MTHFD2L: variants seen among roughly 807,000 people sequenced by gnomAD.
MTHFD2L encodes the protein bifunctional methylenetetrahydrofolate dehydrogenase/cyclohydrolase 2, mitochondrial.
In MTHFD2L, 29 loss-of-function variants were observed where a neutral mutation model predicts 34.9. The observed-to-expected ratio is 0.83, with a 90% CI of 0.62 to 1.13. MTHFD2L has a LOEUF of 1.13. Among genes scored for constraint, MTHFD2L ranks in the 50% most tolerant of loss-of-function variants. The pLI is 0.00. For missense variants in MTHFD2L, 481 were observed against 446.5 expected (o/e 1.08, Z -0.70); for synonymous variants, 167 against 155.7 (o/e 1.07, Z -0.54).
chr4:74,130,907 A>G (rs1560403524), intron 1 of MTHFD2L, among the ~76,000 whole-genome samples: 2 of 152,206 alleles, frequency 1.3e-5, no homozygotes, highest in Non-Finnish European at 2.9e-5. Flanking sequence ...ATACAAAATC[A>G]ATGTGCGAAA....
upstream of MTHFD2L, among the ~76,000 whole-genome samples, chr4:74,155,066 A>T (rs778164783): frequency 6.6e-6 from 1 of 152,140 alleles, no homozygotes; most frequent in African/African-American, 2.4e-5. Context: ...TCTGGTATAC[A>T]TGTATAGTCA....
Position 74,273,938 on chromosome 4 carries a change from C to T in MTHFD2L, c.806-7487C>T, listed in dbSNP as rs139342227. 2.3e-3 allele frequency among the ~76,000 whole-genome samples: 355 copies of T among 152,260 alleles called. 8 individuals are homozygous for T. In the South Asian group the frequency reaches 0.039, roughly 17 times the overall value. The stretch of plus-strand genomic sequence containing the variant: ...CTCATAAGATTTTGGTAAGTGACCT[C>T]AGGCAAAATTTTTCCAGAGTTTTCC... On this transcript the variant is annotated intron_variant, in intron 6 of 7. Transcript: ENST00000325278.
chr4:74,291,331 CT>C (rs1748937519), intron 7 of MTHFD2L, among the ~76,000 whole-genome samples: 1 of 151,872 alleles, frequency 6.6e-6, no homozygotes, highest in South Asian at 2.1e-4. Context: ...TTTTATATCT[CT>C]GTCCCACACC....
chr4:74,142,192 C>G (rs1262824002), intron 1 of MTHFD2L, among the ~76,000 whole-genome samples: 1 of 152,148 alleles, frequency 6.6e-6, no homozygotes, highest in Non-Finnish European at 1.5e-5. Flanking sequence ...TCCTTGAAGT[C>G]TTATGTTTTA....
At chr4:74,239,750 T>C (rs1222185043) in intron 6 of MTHFD2L, among the ~76,000 whole-genome samples, 1 of 152,184 alleles carries the variant, frequency 6.6e-6, no homozygotes, top group African/African-American at 2.4e-5. Context: ...CAGATGAAGA[T>C]AATAATCAAT....
chr4:74,174,673 G>A lies in MTHFD2L; in HGVS notation c.311G>A (p.Arg104Lys). Residue 104 changes from arginine (R) to lysine (K), a missense_variant, in exon 2 of 8, where the codon AGA becomes AAA. Coordinates refer to ENST00000325278, the MANE Select transcript of MTHFD2L (RefSeq NM_001144978.3). The stretch of plus-strand genomic sequence containing the variant: ...CATACATATGTCAGGAATAAGATAA[G>A]AGCTGCCTCTGCTGTAGGTGGGTGT... ...ASHTYVRNKI[R>K]AASAVGICSE... 1 of 1,546,076 alleles carries A rather than the reference G, an allele frequency of 6.5e-7. No homozygotes were observed. Among genetic ancestry groups the A allele is most frequent in the Non-Finnish European group, 8.7e-7 (1 of 1,148,286 alleles).
chr4:74,139,053 A>T (rs1028126302), intron 1 of MTHFD2L, among the ~76,000 whole-genome samples: 1 of 152,178 alleles, frequency 6.6e-6, no homozygotes, highest in Non-Finnish European at 1.5e-5. Context: ...TGGCCTAGGA[A>T]ATCCAGCTAG....
chr4:74,256,136 T>G (rs1743995878), intron 6 of MTHFD2L, among the ~76,000 whole-genome samples: 1 of 152,200 alleles, frequency 6.6e-6, no homozygotes, highest in African/African-American at 2.4e-5. Flanking sequence ...ATAAGTATTC[T>G]TTTTTCCCCC....
At chr4:74,245,844 ATAT>A (rs1165622367) in intron 6 of MTHFD2L, among the ~76,000 whole-genome samples, 15 of 151,640 alleles carry the variant, frequency 9.9e-5, no homozygotes, top group African/African-American at 3.1e-4. Context: ...TCCATGGTGT[ATAT>A]GTGCCACATT....
At chr4:74,246,286 G>T (rs549005014) in intron 6 of MTHFD2L, among the ~76,000 whole-genome samples, 2,577 of 151,984 alleles carry the variant, frequency 0.017, 93 homozygotes, top group African/African-American at 0.059. Flanking sequence ...CTTTTGAGAA[G>T]TGTCTGTTCA....
At chr4:74,215,608 G>T (rs984807970) in intron 5 of MTHFD2L, among the ~76,000 whole-genome samples, 1 of 151,696 alleles carries the variant, frequency 6.6e-6, no homozygotes, top group Non-Finnish European at 1.5e-5. Flanking sequence ...CATTGATCTC[G>T]CTGGGAGCTG....
chr4:74,211,487 T>C (rs1436023922), intron 5 of MTHFD2L, among the ~76,000 whole-genome samples: 1 of 152,210 alleles, frequency 6.6e-6, no homozygotes, highest in Non-Finnish European at 1.5e-5. Context: ...GGATTCCGTT[T>C]GTTGATTTGC....
At chr4:74,145,038 G>A (rs1473462357) in intron 1 of MTHFD2L, among the ~76,000 whole-genome samples, 1 of 151,870 alleles carries the variant, frequency 6.6e-6, no homozygotes, top group Admixed American at 6.6e-5. Flanking sequence ...AACTTTAAAA[G>A]CTCTAGACTA....
At chr4:74,244,432 A>G (rs931316641) in intron 6 of MTHFD2L, among the ~76,000 whole-genome samples, 1 of 152,222 alleles carries the variant, frequency 6.6e-6, no homozygotes. Flanking sequence ...GTGAATTTAT[A>G]CTAGCCCTCT....
chr4:74,166,579 T>G (rs1437165549), intron 1 of MTHFD2L, among the ~76,000 whole-genome samples: 1 of 152,212 alleles, frequency 6.6e-6, no homozygotes, highest in Non-Finnish European at 1.5e-5. Context: ...TTGGTCTGTT[T>G]GTTGAATATG....
chr4:74,300,169 C>T (rs1286890114), intron 7 of MTHFD2L, among the ~76,000 whole-genome samples: 1 of 151,978 alleles, frequency 6.6e-6, no homozygotes, highest in African/African-American at 2.4e-5. Flanking sequence ...GTTTGGAAAA[C>T]TGAAATATTA....
intron 7 of MTHFD2L, among the ~76,000 whole-genome samples, chr4:74,295,106 G>A (rs1749467373): frequency 6.6e-6 from 1 of 151,974 alleles, no homozygotes; most frequent in Non-Finnish European, 1.5e-5. Flanking sequence ...TCTTTTAAAA[G>A]CTTATTCACC....
intron 1 of MTHFD2L, among the ~76,000 whole-genome samples, chr4:74,141,074 G>A (rs1160436433): frequency 6.6e-6 from 1 of 152,152 alleles, no homozygotes; most frequent in Non-Finnish European, 1.5e-5. Context: ...TTTTATGAAT[G>A]TACTTAGTGT....
At chr4:74,126,002 G>C (rs1231294828) in intron 1 of MTHFD2L, among the ~76,000 whole-genome samples, 1 of 152,132 alleles carries the variant, frequency 6.6e-6, no homozygotes, top group Admixed American at 6.6e-5. Context: ...AATGCTCACT[G>C]TTTTGTCTTC....
Sources: allele counts gnomAD v4.1 joint callset (sites outside exome capture counted in the v4.1 genomes callset), GRCh38; gene constraint gnomAD v4.1.1; transcripts MANE v1.5; gene names NCBI Gene and HGNC (gene_info 2026-07-23, HGNC 2026-07-21).